CBFA2T3: variants seen among roughly 807,000 people sequenced by gnomAD.
CBFA2T3 encodes the protein transcriptional corepressor CBFA2T3.
CBFA2T3 carries 31 observed loss-of-function variants against 58.6 expected under a neutral mutation model. The observed-to-expected ratio is 0.53, with a 90% CI of 0.40 to 0.71. The LOEUF (loss-of-function observed/expected upper bound fraction) is 0.71, where lower values mean the gene tolerates loss of function less well. Among genes scored for constraint, CBFA2T3 ranks in the 30% least tolerant of loss-of-function variants. The pLI, the probability that CBFA2T3 is intolerant of heterozygous loss-of-function variation, is 0.00. For synonymous variants in CBFA2T3, 531 were observed against 421.9 expected, an observed-to-expected ratio of 1.26 and a Z score of -3.17; for missense variants, 1,076 against 963.1, an observed-to-expected ratio of 1.12 and a Z score of -1.55.
chr16:88,896,530 A>C (rs1969893596), intron 3 of CBFA2T3, among the ~76,000 whole-genome samples: 1 of 152,038 alleles, frequency 6.6e-6, no homozygotes, highest in South Asian at 2.1e-4. Flanking sequence ...GGAGGACCCC[A>C]CCGCGCTGCC....
At position 88,976,989 on chromosome 16, in the gene CBFA2T3, G is replaced by A; in HGVS notation, c.-182C>T. On this transcript the variant is annotated 5_prime_UTR_variant, in exon 1 of 12. An upstream open reading frame in the 5' UTR gains an earlier in-frame stop. Coordinates refer to ENST00000268679, the MANE Select transcript of CBFA2T3 (RefSeq NM_005187.6). ...CCCGGCCACCAACTGGGTGTCCTCT[G>A]CCCTGGGGAGGGGGTGGGAGCCCTG... 1.6e-6 allele frequency: 1 copy of A among 628,870 alleles called. No individual in the cohort carries two copies. The highest frequency in any genetic ancestry group is 2.6e-6 in the Non-Finnish European group (1 of 379,212). The allele number at this position is 628,870 out of a possible 1,614,324, so 39.0% of individuals were successfully genotyped here. A position where few individuals can be genotyped will look rare whatever the true frequency, so the allele number is the denominator to read the frequency against.
At chr16:88,965,901 C>T (rs1035622131) in intron 1 of CBFA2T3, among the ~76,000 whole-genome samples, 6 of 152,220 alleles carry the variant, frequency 3.9e-5, no homozygotes, top group African/African-American at 1.4e-4. Flanking sequence ...CTTTGAGAAT[C>T]GGGCCTGGTG....
At chr16:88,911,094 C>G (rs1597715362) in intron 1 of CBFA2T3, among the ~76,000 whole-genome samples, 1 of 152,368 alleles carries the variant, frequency 6.6e-6, no homozygotes, top group African/African-American at 2.4e-5. Context: ...CCCACAGGGA[C>G]AAGGAGCCAA....
intron 2 of CBFA2T3, 74 bp from the exon 3 acceptor site, chr16:88,898,226 G>T: frequency 8.6e-7 from 1 of 1,167,420 alleles, no homozygotes; most frequent in South Asian, 1.2e-5. Context: ...GGGCGCCCGC[G>T]GCCACCTTTT....
chr16:88,935,237 A>T (rs554654167), intron 1 of CBFA2T3, among the ~76,000 whole-genome samples: 1 of 152,176 alleles, frequency 6.6e-6, no homozygotes, highest in Non-Finnish European at 1.5e-5. Flanking sequence ...GAGAGGCTGC[A>T]TGGAAGGGCC....
chr16:88,894,835 G>A (rs527904491), intron 3 of CBFA2T3, among the ~76,000 whole-genome samples: 47 of 152,380 alleles, frequency 3.1e-4, no homozygotes, highest in African/African-American at 8.7e-4. Flanking sequence ...GCCTGTGTGC[G>A]CCGAGGAGGA....
chr16:88,898,472 T>C (rs1567590969), intron 2 of CBFA2T3, among the ~76,000 whole-genome samples: 1 of 152,216 alleles, frequency 6.6e-6, no homozygotes, highest in Non-Finnish European at 1.5e-5. Context: ...CTCAGTTTCC[T>C]TCTCTGAGAG....
rs1192506119 is a variant in CBFA2T3, at chr16:88,901,643, C to A, written c.165G>T (p.Arg55Ser). Reference protein sequence around the residue: ...PRKGGPAPVDRKAKASAMPDS... With the variant: ...PRKGGPAPVDSKAKASAMPDS... ...CCGGCATCGCTGAGGCCTTAGCTTT[C>A]CTGTCCACTGGGGCTGCGACCAACG... The change falls in exon 2 of 12, where the codon AGG becomes AGT. Residue 55 changes from arginine (R) to serine (S), a missense_variant. By Grantham distance (110) the Arg-to-Ser change is moderately radical. Transcript: ENST00000268679. 1.4e-5 allele frequency: 22 copies of A among 1,531,782 alleles called. No individual in the cohort carries two copies. The highest frequency in any genetic ancestry group is 1.8e-5 in the Non-Finnish European group (21 of 1,150,690). 94.9% of individuals were successfully genotyped at this position (1,531,782 alleles called of 1,614,324 possible).
At chr16:88,975,286 C>T (rs930934832) in intron 1 of CBFA2T3, among the ~76,000 whole-genome samples, 2 of 134,932 alleles carry the variant, frequency 1.5e-5, no homozygotes, top group African/African-American at 2.6e-5. Context: ...AGCAGCCCCT[C>T]GCATGACTCA....
intron 1 of CBFA2T3, among the ~76,000 whole-genome samples, chr16:88,910,838 C>T (rs544412834): frequency 1.3e-5 from 2 of 152,308 alleles, no homozygotes; most frequent in East Asian, 3.9e-4. Context: ...GGGTGTCCCC[C>T]CAAATCCCCT....
chr16:88,971,569 G>A (rs1972656676), intron 1 of CBFA2T3, among the ~76,000 whole-genome samples: 1 of 152,198 alleles, frequency 6.6e-6, no homozygotes, highest in African/African-American at 2.4e-5. Context: ...GGGAGCGGCC[G>A]TCCTGGGGGT....
chr16:88,942,511 C>T (rs1231534602), intron 1 of CBFA2T3, among the ~76,000 whole-genome samples: 1 of 152,226 alleles, frequency 6.6e-6, no homozygotes, highest in African/African-American at 2.4e-5. Flanking sequence ...GGCCTTTTCC[C>T]CCCACCCCTC....
chr16:88,903,978 T>C (rs756113680), intron 1 of CBFA2T3, among the ~76,000 whole-genome samples: 9 of 152,100 alleles, frequency 5.9e-5, no homozygotes, highest in Admixed American at 3.9e-4. Context: ...CGGGCGCTCG[T>C]AGGATGGACG....
At position 88,885,350 on chromosome 16, in the gene CBFA2T3, A is replaced by G; in HGVS notation, c.894-81T>C. On this transcript the variant is annotated intron_variant, in intron 6 of 11. Transcript: ENST00000268679. The surrounding 1 kb of genome is among the most constrained non-coding windows in gnomAD (Gnocchi z 5.3). ...GAGGTGCAGGTGGGGTGAGAGGCAG[A>G]CAGGCAAGGGCAGAGAGAAAGAGGA... The G allele has an allele frequency of 2.1e-6, 2 of 946,758 alleles. No homozygotes were observed. The highest frequency in any genetic ancestry group is 3.0e-6 in the Non-Finnish European group (2 of 659,680). The allele number at this position is 946,758 out of a possible 1,614,324, so 58.6% of individuals were successfully genotyped here. A position where few individuals can be genotyped will look rare whatever the true frequency, so the allele number is the denominator to read the frequency against.
chr16:88,962,941 G>A (rs975057846), intron 1 of CBFA2T3, among the ~76,000 whole-genome samples: 10 of 152,176 alleles, frequency 6.6e-5, no homozygotes, highest in African/African-American at 9.6e-5. Flanking sequence ...GATTTCCACA[G>A]GGCCTCCAGG....
rs368467497 is a variant in CBFA2T3 at position 88,900,642 on chromosome 16, G to A, written c.304+862C>T. 7.9e-5 allele frequency among the ~76,000 whole-genome samples: 12 copies of A among 152,250 alleles called. 1 individual carries two copies. The highest frequency in any genetic ancestry group is 2.6e-4 in the African/African-American group (11 of 41,546). ...CCCCCAGGTACGGGGCTTTCTGGCCGCTGCATGTGGAGGTGGTACATGGAG... is the reference window on the plus strand; with the variant it reads ...CCCCCAGGTACGGGGCTTTCTGGCCACTGCATGTGGAGGTGGTACATGGAG... On this transcript the variant is annotated intron_variant, in intron 2 of 11. Coordinates refer to ENST00000268679, the MANE Select transcript of CBFA2T3 (RefSeq NM_005187.6).
intron 1 of CBFA2T3, among the ~76,000 whole-genome samples, chr16:88,957,060 G>A (rs745458284): frequency 5.3e-5 from 8 of 152,142 alleles, no homozygotes; most frequent in Non-Finnish European, 1.0e-4. Flanking sequence ...GGCCCTCTAC[G>A]TCTTTGTCAC....
chr16:88,911,602 T>C lies in CBFA2T3; in HGVS notation c.152-9946A>G, dbSNP rs867635737. On this transcript the variant is annotated intron_variant, in intron 1 of 11. Coordinates refer to ENST00000268679, the MANE Select transcript of CBFA2T3 (RefSeq NM_005187.6). The stretch of plus-strand genomic sequence containing the variant: ...TCCTAATCTGGCCTCAGTTTTCTCA[T>C]CTGTAAAATGGGAATGGGGATGGAA... Among the ~76,000 whole-genome samples the C allele has an allele frequency of 3.3e-5, 5 of 152,344 alleles. 1 individual carries two copies. The South Asian group carries it at 1.0e-3, about 32-fold the overall frequency.
At chr16:88,941,562 G>A (rs1174910882) in intron 1 of CBFA2T3, among the ~76,000 whole-genome samples, 2 of 148,152 alleles carry the variant, frequency 1.3e-5, no homozygotes, top group African/African-American at 4.9e-5. Context: ...GGCCGGGGCT[G>A]TGCGGAGCGC....
Sources: gnomAD v4.1 joint callset for allele counts (sites outside exome capture counted in the v4.1 genomes callset) on GRCh38, gnomAD v4.1.1 for gene constraint, Gnocchi (gnomAD v3.1) non-coding constraint, MANE v1.5 for transcripts, NCBI Gene and HGNC (gene_info 2026-07-23, HGNC 2026-07-21) for gene names.